The following JAKMIP3 variants were observed in gnomAD, a reference collection of about 807,000 sequenced individuals.
JAKMIP3 encodes the protein janus kinase and microtubule-interacting protein 3.
In JAKMIP3, 58 loss-of-function variants were observed where a neutral mutation model predicts 118.5. The ratio of observed to expected loss-of-function variants is 0.49; its 90% confidence interval spans 0.40 to 0.61. JAKMIP3 has a LOEUF of 0.61. JAKMIP3 is among the 20% of genes least tolerant of loss of function. The pLI is 0.00. For missense variants in JAKMIP3, 950 were observed against 1,109.0 expected, an observed-to-expected ratio of 0.86 and a Z score of 2.04; for synonymous variants, 486 against 451.2, an observed-to-expected ratio of 1.08 and a Z score of -0.98.
At chr10:132,075,479 G>A (rs2040648007) in intron 1 of JAKMIP3, among the ~76,000 whole-genome samples, 1 of 135,586 alleles carries the variant, frequency 7.4e-6, no homozygotes, top group Non-Finnish European at 1.5e-5. Flanking sequence ...GTGTGATCTT[G>A]GCTCACTGCA....
At position 132,135,236 on chromosome 10, in the gene JAKMIP3, C is replaced by A. The variant is rs531683384; in HGVS notation, c.969+76C>A. On this transcript the variant is annotated intron_variant, in intron 5 of 23. Coordinates refer to ENST00000684848, the MANE Select transcript of JAKMIP3 (RefSeq NM_001323087.2). ...TGGGGACCTGGGGGGCATCCACTTT[C>A]AAAATTCCTTGCGTAAAGGAGTGGT... 489 of 1,451,720 alleles carry A rather than the reference C, an allele frequency of 3.4e-4. 3 individuals carry two copies. Among genetic ancestry groups the A allele is most frequent in the Non-Finnish European group, 4.4e-4 (472 of 1,074,610 alleles). The allele number at this position is 1,451,720 out of a possible 1,614,324, so 89.9% of individuals were successfully genotyped here.
In JAKMIP3 at chr10:132,066,032, G is replaced by C. The variant is rs2038710369; in HGVS notation, c.-167G>C. Among the ~76,000 whole-genome samples the C allele has an allele frequency of 6.6e-6, 1 of 152,236 alleles. No homozygotes were observed. The highest frequency in any genetic ancestry group is 1.5e-5 in the Non-Finnish European group (1 of 68,042). On this transcript the variant is annotated 5_prime_UTR_variant, in exon 1 of 24. Coordinates refer to ENST00000684848, the MANE Select transcript of JAKMIP3 (RefSeq NM_001323087.2). Reference sequence around the variant, plus strand: ...TTCTCACAGTCGAGCAGAGCGATGGGAGAGAGGAGCAGACAGCGAGCTTTG... The same window carrying C: ...TTCTCACAGTCGAGCAGAGCGATGGCAGAGAGGAGCAGACAGCGAGCTTTG...
intron 1 of JAKMIP3, among the ~76,000 whole-genome samples, chr10:132,103,352 G>GGAGAGGAACATCAGGGGGA (rs1251434284): frequency 6.7e-6 from 1 of 150,210 alleles, no homozygotes; most frequent in Non-Finnish European, 1.5e-5. Context: ...AGCAGCTGCT[G>GGAGAGGAACATCAGGGGGA]GAGAGGAACA....
intron 19 of JAKMIP3, among the ~76,000 whole-genome samples, chr10:132,155,856 G>C (rs1441384393): frequency 2.0e-5 from 3 of 152,194 alleles, no homozygotes; most frequent in Non-Finnish European, 4.4e-5. Context: ...AGCCCCGGGT[G>C]AGCTGGCCCC....
rs368271405 is a variant in JAKMIP3 at position 132,150,050 on chromosome 10, C to T, written c.2007+9C>T. 1.3e-6 allele frequency: 2 copies of T among 1,593,728 alleles called. No homozygotes were observed. The highest frequency in any genetic ancestry group is 1.1e-5 in the South Asian group (1 of 88,106). On this transcript the variant is annotated intron_variant, in intron 16 of 23. Coordinates refer to ENST00000684848, the MANE Select transcript of JAKMIP3 (RefSeq NM_001323087.2). ...GCGATAACGCCGTAAGTGTATGTCG[C>T]TCTCCTGGCTTGTGCATGCCTCTTA...
chr10:132,115,523 G>A (rs754079641), intron 2 of JAKMIP3, among the ~76,000 whole-genome samples: 3 of 152,166 alleles, frequency 2.0e-5, no homozygotes, highest in African/African-American at 2.4e-5. Flanking sequence ...GGGAAATTAC[G>A]GCTGGTTTGA....
At chr10:132,106,501 ACAC>A (rs1554932449) in intron 2 of JAKMIP3, among the ~76,000 whole-genome samples, 4 of 152,078 alleles carry the variant, frequency 2.6e-5, no homozygotes, top group Non-Finnish European at 5.9e-5. Context: ...ATGGGGATGA[ACAC>A]AGCCTGTGGC....
intron 2 of JAKMIP3, among the ~76,000 whole-genome samples, chr10:132,113,506 TA>T (rs1286749943): frequency 6.6e-6 from 1 of 152,252 alleles, no homozygotes; most frequent in African/African-American, 2.4e-5. Context: ...AGGAAACTGC[TA>T]AGGACGTTAG....
intron 1 of JAKMIP3, among the ~76,000 whole-genome samples, chr10:132,054,012 C>A (rs960477771): frequency 2.1e-5 from 3 of 141,308 alleles, no homozygotes; most frequent in Non-Finnish European, 3.0e-5. Flanking sequence ...TGCACTCCAG[C>A]CTGGGTGACA....
Position 132,044,034 on chromosome 10 carries a change from T to A in JAKMIP3, c.-138+7296T>A, listed in dbSNP as rs1589998984. On this transcript the variant is annotated intron_variant, in intron 1 of 23. Transcript: ENST00000657785. This position sits in a 1 kb window ranked among gnomAD's most constrained non-coding sequence, Gnocchi z 5.3. ...GGCAGGAAGTGCACAGACCTCGGGG[T>A]TCAGTAGGCTCTCAGGCAGTTCAGA... 6.6e-6 allele frequency among the ~76,000 whole-genome samples: 1 copy of A among 152,004 alleles called. No individual in the cohort carries two copies.
intron 1 of JAKMIP3, among the ~76,000 whole-genome samples, chr10:132,067,866 A>G (rs1359157971): frequency 7.4e-6 from 1 of 135,516 alleles, no homozygotes; most frequent in Non-Finnish European, 1.5e-5. Context: ...TTACGTGTGG[A>G]CTGTGGGCTT....
chr10:132,168,124 G>T lies in JAKMIP3; in HGVS notation c.*194G>T. ...GGGCGTGGAGCTGCCGTCCACGTGG[G>T]ATGTGCCAGAACTAGAACTGGCTCT... is the stretch of plus-strand genomic sequence containing the variant. On this transcript the variant is annotated 3_prime_UTR_variant, in exon 23 of 24. Coordinates refer to ENST00000684848, the MANE Select transcript of JAKMIP3 (RefSeq NM_001323087.2). 7.8e-7 allele frequency: 1 copy of T among 1,288,304 alleles called. No individual in the cohort carries two copies. The highest frequency in any genetic ancestry group is 1.0e-6 in the Non-Finnish European group (1 of 988,022). The allele number at this position is 1,288,304 out of a possible 1,614,324, so 79.8% of individuals were successfully genotyped here.
chr10:132,050,754 G>A (rs576769216), intron 1 of JAKMIP3, among the ~76,000 whole-genome samples: 43 of 152,336 alleles, frequency 2.8e-4, no homozygotes, highest in African/African-American at 7.9e-4. Context: ...TGGGTTGTAA[G>A]GTAGGTGTGC....
At chr10:132,085,653 A>G (rs1294567046) in intron 1 of JAKMIP3, among the ~76,000 whole-genome samples, 1 of 151,934 alleles carries the variant, frequency 6.6e-6, no homozygotes, top group Non-Finnish European at 1.5e-5. Context: ...AGCGCATGCC[A>G]CCATGCCTGG....
chr10:132,061,069 T>C (rs1438996583), upstream of JAKMIP3, among the ~76,000 whole-genome samples: 1 of 152,174 alleles, frequency 6.6e-6, no homozygotes, highest in Non-Finnish European at 1.5e-5. Flanking sequence ...CTCTTAGGAA[T>C]AATAGATTTC....
chr10:132,145,651 G>T (rs1013363691), intron 13 of JAKMIP3, 71 bp downstream of exon 13: 14 of 1,300,882 alleles, frequency 1.1e-5, no homozygotes, highest in Admixed American at 2.0e-5. Flanking sequence ...TGGTCCCTGC[G>T]GGGCTGAAGG....
At chr10:132,111,382 C>G (rs74486910) in intron 2 of JAKMIP3, among the ~76,000 whole-genome samples, 1 of 151,930 alleles carries the variant, frequency 6.6e-6, no homozygotes, top group Non-Finnish European at 1.5e-5. Context: ...GTCCCAGGGT[C>G]GGGGGTGGCT....
intron 19 of JAKMIP3, among the ~76,000 whole-genome samples, chr10:132,161,174 A>G (rs1477488690): frequency 2.2e-4 from 3 of 13,476 alleles, no homozygotes; most frequent in African/African-American, 5.2e-4. Context: ...TTCCTGTGTG[A>G]TGCTGGGGGG....
intron 1 of JAKMIP3, among the ~76,000 whole-genome samples, chr10:132,055,598 G>A (rs567564094): frequency 5.9e-5 from 9 of 152,298 alleles, no homozygotes; most frequent in South Asian, 4.1e-4. Context: ...CAGTTTGCCC[G>A]CCGGCAAGCA....
Sources: allele counts gnomAD v4.1 joint callset (sites outside exome capture counted in the v4.1 genomes callset), GRCh38; gene constraint gnomAD v4.1.1; non-coding constraint Gnocchi (gnomAD v3.1); transcripts MANE v1.5; gene names NCBI Gene and HGNC (gene_info 2026-07-23, HGNC 2026-07-21).